Variants in LIN54 observed in about 807,000 individuals in gnomAD.
LIN54 encodes the protein lin-54 DREAM MuvB core complex component.
LIN54 carries 9 observed loss-of-function variants against 78.7 expected under a neutral mutation model. That is an observed-to-expected ratio of 0.11 (90% CI 0.07 to 0.20). LIN54 has a LOEUF of 0.20. Among genes scored for constraint, LIN54 ranks in the 10% least tolerant of loss-of-function variants. LIN54 has a pLI of 1.00. For missense variants in LIN54, 573 were observed against 889.9 expected (o/e 0.64, Z 4.53); for synonymous variants, 269 against 318.4 (o/e 0.84, Z 1.65).
At chr4:82,997,628 T>C (rs759925254) in intron 1 of LIN54, among the ~76,000 whole-genome samples, 25 of 151,952 alleles carry the variant, frequency 1.6e-4, no homozygotes, top group Non-Finnish European at 2.1e-4. Flanking sequence ...GGGAGACCAG[T>C]TGGAAGGCTA....
intron 3 of LIN54, among the ~76,000 whole-genome samples, chr4:82,970,696 T>G (rs936875495): frequency 1.3e-5 from 2 of 152,228 alleles, no homozygotes; most frequent in African/African-American, 4.8e-5. Context: ...AAAAACAGTT[T>G]AGTTCATGTG....
chr4:82,970,589 C>T lies in LIN54; in HGVS notation c.809-120G>A, dbSNP rs190878620. ...GTATGTTTGTTATTTCATGTCAACACTTAATGAGGCACTAATGAACTATGG... is the reference window on the plus strand; with the variant it reads ...GTATGTTTGTTATTTCATGTCAACATTTAATGAGGCACTAATGAACTATGG... On this transcript the variant is annotated intron_variant, in intron 3 of 12. Coordinates refer to ENST00000340417, the MANE Select transcript of LIN54 (RefSeq NM_194282.4). The T allele has an allele frequency of 9.2e-6, 8 of 871,436 alleles. No homozygotes were observed. In the East Asian group the frequency reaches 1.8e-4, roughly 20 times the overall value. 54.0% of individuals were successfully genotyped at this position (871,436 alleles called of 1,614,324 possible). A position where few individuals can be genotyped will look rare whatever the true frequency, so the allele number is the denominator to read the frequency against.
At chr4:82,997,957 G>A (rs905840464) in intron 1 of LIN54, among the ~76,000 whole-genome samples, 2 of 146,432 alleles carry the variant, frequency 1.4e-5, no homozygotes, top group Non-Finnish European at 3.0e-5. Context: ...TTGCACCACT[G>A]CACTCCAGCC....
intron 1 of LIN54, 95 bp from the exon 2 acceptor site, chr4:82,984,971 T>A: frequency 1.3e-6 from 1 of 749,472 alleles, no homozygotes; most frequent in Non-Finnish European, 2.1e-6. Flanking sequence ...TGACAATTTT[T>A]AAATTGATAT....
intron 1 of LIN54, among the ~76,000 whole-genome samples, chr4:83,004,176 T>C (rs1046932353): frequency 6.6e-6 from 1 of 151,804 alleles, no homozygotes; most frequent in Non-Finnish European, 1.5e-5. Flanking sequence ...GGTGGACAGA[T>C]TGCGAGGTCA....
At chr4:82,975,210 T>C (rs1726064948) in intron 3 of LIN54, among the ~76,000 whole-genome samples, 1 of 150,784 alleles carries the variant, frequency 6.6e-6, no homozygotes. Flanking sequence ...ATACAAAAAT[T>C]AGCCGGATGT....
chr4:82,938,605 A>T, intron 7 of LIN54, 101 bp from the exon 8 acceptor site: 1 of 670,906 alleles, frequency 1.5e-6, no homozygotes, highest in Non-Finnish European at 2.6e-6. Flanking sequence ...CATTAAGATA[A>T]GAAAAACACA....
chr4:82,928,565 T>C (rs1721675296), intron 12 of LIN54, among the ~76,000 whole-genome samples: 1 of 152,188 alleles, frequency 6.6e-6, no homozygotes, highest in Admixed American at 6.5e-5. Context: ...GGTTATGTGG[T>C]TAACTAAAAG....
At chr4:82,939,059 C>T (rs1179462171) in intron 7 of LIN54, among the ~76,000 whole-genome samples, 1 of 152,132 alleles carries the variant, frequency 6.6e-6, no homozygotes, top group Non-Finnish European at 1.5e-5. Context: ...TTTGTTTCCC[C>T]GTCTTTCATT....
chr4:82,976,536 C>T (rs562647542), intron 3 of LIN54, among the ~76,000 whole-genome samples: 3 of 152,166 alleles, frequency 2.0e-5, no homozygotes, highest in East Asian at 1.9e-4. Context: ...GGTGAAACCC[C>T]GTCTCTACTA....
intron 11 of LIN54, 97 bp downstream of exon 11, chr4:82,935,884 T>G: frequency 8.2e-7 from 1 of 1,225,286 alleles, no homozygotes; most frequent in Non-Finnish European, 1.2e-6. Flanking sequence ...CAAATTGCAA[T>G]AGCAAGGTGA....
rs567729469 is a variant in LIN54, at chr4:82,932,606, G to C, written c.1846-1461C>G. Among the ~76,000 whole-genome samples the C allele has an allele frequency of 2.1e-4, 31 of 150,444 alleles. No individual in the cohort carries two copies. The South Asian group carries it at 6.3e-3, about 31-fold the overall frequency. On this transcript the variant is annotated intron_variant, in intron 11 of 12. Coordinates refer to ENST00000340417, the MANE Select transcript of LIN54 (RefSeq NM_194282.4). The stretch of plus-strand genomic sequence containing the variant: ...GGCCGAGGTGGGAGGATCACCTGAG[G>C]TCCGGAGTTCAAGACCAGCCTGACC...
chr4:82,952,314 T>C (rs1023470961), intron 4 of LIN54, among the ~76,000 whole-genome samples: 3 of 152,060 alleles, frequency 2.0e-5, no homozygotes, highest in African/African-American at 7.2e-5. Context: ...AGCAAAGAAC[T>C]TGGATAGAAT....
rs530685854 is a variant in LIN54, at chr4:82,925,729, G to C, written c.*2373C>G. On this transcript the variant is annotated 3_prime_UTR_variant, in exon 13 of 13. Coordinates refer to ENST00000340417, the MANE Select transcript of LIN54 (RefSeq NM_194282.4). Reference sequence around the variant, plus strand: ...AATGCAAAACCTTTTTTACAGAATAGTATAAATGTTTATTTTCTGTATGAT... The same window carrying C: ...AATGCAAAACCTTTTTTACAGAATACTATAAATGTTTATTTTCTGTATGAT... 6.6e-6 allele frequency: 1 copy of C among 152,670 alleles called. No individual in the cohort carries two copies. Among genetic ancestry groups the C allele is most frequent in the Admixed American group, 6.5e-5 (1 of 15,292 alleles). 9.5% of individuals were successfully genotyped at this position (152,670 alleles called of 1,614,324 possible).
intron 4 of LIN54, among the ~76,000 whole-genome samples, chr4:82,948,629 C>A (rs1172181103): frequency 6.6e-6 from 1 of 152,126 alleles, no homozygotes; most frequent in African/African-American, 2.4e-5. Context: ...ATAGTCCTCA[C>A]ACTGTATATT....
chr4:82,963,572 G>A (rs1291547325), intron 4 of LIN54, among the ~76,000 whole-genome samples: 2 of 152,064 alleles, frequency 1.3e-5, no homozygotes, highest in Non-Finnish European at 2.9e-5. Context: ...GAACAGGAGG[G>A]AGAAATCGGA....
intron 4 of LIN54, among the ~76,000 whole-genome samples, chr4:82,959,621 A>C (rs1048050656): frequency 6.6e-6 from 1 of 152,224 alleles, no homozygotes; most frequent in Non-Finnish European, 1.5e-5. Context: ...CAATGGAAAT[A>C]ACAATTTGTA....
At chr4:82,994,684 G>A (rs1327167246) in intron 1 of LIN54, among the ~76,000 whole-genome samples, 1 of 143,632 alleles carries the variant, frequency 7.0e-6, no homozygotes, top group Non-Finnish European at 1.5e-5. Flanking sequence ...ACAGGCATGA[G>A]CCACCTTGCC....
intron 4 of LIN54, among the ~76,000 whole-genome samples, chr4:82,965,810 G>T (rs887197548): frequency 6.6e-6 from 1 of 152,296 alleles, no homozygotes; most frequent in Middle Eastern, 3.4e-3. Context: ...AGTCTCAGCA[G>T]ACTCAAGGCA....
Sources: gnomAD v4.1 joint callset for allele counts (sites outside exome capture counted in the v4.1 genomes callset) on GRCh38, gnomAD v4.1.1 for gene constraint, MANE v1.5 for transcripts, NCBI Gene and HGNC (gene_info 2026-07-23, HGNC 2026-07-21) for gene names.